ADAMTSL1: variants seen among roughly 807,000 people sequenced by gnomAD.
The protein encoded by ADAMTSL1 is ADAMTS-like protein 1.
ADAMTSL1 carries 126 observed loss-of-function variants against 201.8 expected under a neutral mutation model. The ratio of observed to expected loss-of-function variants is 0.62; its 90% CI spans 0.54 to 0.72. The LOEUF (loss-of-function observed/expected upper bound fraction) is 0.72. Among genes scored for constraint, ADAMTSL1 ranks in the 30% least tolerant of loss-of-function variants. ADAMTSL1 has a pLI of 0.00. For synonymous variants in ADAMTSL1, 1,121 were observed against 903.4 expected, an observed-to-expected ratio of 1.24 and a Z score of -4.32; for missense variants, 2,679 against 2,277.8, an observed-to-expected ratio of 1.18 and a Z score of -3.59.
At chr9:18,187,335 A>C (rs979044427) in intron 2 of ADAMTSL1, among the ~76,000 whole-genome samples, 4 of 152,106 alleles carry the variant, frequency 2.6e-5, no homozygotes, top group Non-Finnish European at 4.4e-5. Context: ...AGGTATTGTT[A>C]CTCTGAAAAA....
At chr9:18,284,251 A>G (rs944433277) in intron 2 of ADAMTSL1, among the ~76,000 whole-genome samples, 1 of 152,062 alleles carries the variant, frequency 6.6e-6, no homozygotes, top group African/African-American at 2.4e-5. Context: ...ATAAAAAAAG[A>G]ATTAAAAAAA....
intron 7 of ADAMTSL1, among the ~76,000 whole-genome samples, chr9:18,645,181 G>T (rs1827719633): frequency 6.6e-6 from 1 of 152,176 alleles, no homozygotes; most frequent in African/African-American, 2.4e-5. Context: ...CTGCAAAAAT[G>T]TCTTCTTTTG....
intron 2 of ADAMTSL1, among the ~76,000 whole-genome samples, chr9:18,188,548 A>G (rs754169114): frequency 3.9e-5 from 6 of 152,282 alleles, no homozygotes; most frequent in Middle Eastern, 3.4e-3. Context: ...AAATCACTGG[A>G]AGACAACTCT....
chr9:18,852,256 G>A (rs1300717663), intron 23 of ADAMTSL1, among the ~76,000 whole-genome samples: 1 of 152,168 alleles, frequency 6.6e-6, no homozygotes, highest in East Asian at 1.9e-4. Flanking sequence ...CTCTGCCTTT[G>A]ATTGTTAAAA....
chr9:18,705,005 T>G (rs1564165365), intron 13 of ADAMTSL1, among the ~76,000 whole-genome samples: 1 of 152,176 alleles, frequency 6.6e-6, no homozygotes, highest in South Asian at 2.1e-4. Context: ...GAGCACTGAG[T>G]GCTGCTTTGG....
At chr9:18,332,088 G>A (rs1435960534) in intron 2 of ADAMTSL1, among the ~76,000 whole-genome samples, 4 of 152,140 alleles carry the variant, frequency 2.6e-5, no homozygotes, top group South Asian at 2.1e-4. Context: ...TTTGGCAGCT[G>A]TAGTAAATTC....
chr9:18,453,916 C>T (rs1820508558), intron 2 of ADAMTSL1, among the ~76,000 whole-genome samples: 1 of 152,170 alleles, frequency 6.6e-6, no homozygotes, highest in Non-Finnish European at 1.5e-5. Context: ...TAAGGAAACT[C>T]ATTCTTATAA....
At chr9:18,287,241 C>T (rs569193982) in intron 2 of ADAMTSL1, among the ~76,000 whole-genome samples, 14 of 152,182 alleles carry the variant, frequency 9.2e-5, no homozygotes, top group Admixed American at 9.2e-4. Flanking sequence ...ACTGTTTTGG[C>T]TCTCATTCCA....
intron 2 of ADAMTSL1, among the ~76,000 whole-genome samples, chr9:18,292,337 G>A (rs567271682): frequency 6.6e-6 from 1 of 152,078 alleles, no homozygotes; most frequent in Non-Finnish European, 1.5e-5. Context: ...GAATGGGTAC[G>A]ATAGCAGTAT....
chr9:18,355,156 AC>A (rs1836163856), intron 2 of ADAMTSL1, among the ~76,000 whole-genome samples: 1 of 152,014 alleles, frequency 6.6e-6, no homozygotes, highest in African/African-American at 2.4e-5. Flanking sequence ...CTGCTGTTTC[AC>A]CTTTTTGATA....
intron 2 of ADAMTSL1, among the ~76,000 whole-genome samples, chr9:18,177,197 G>A (rs1212245206): frequency 6.6e-6 from 1 of 152,184 alleles, no homozygotes; most frequent in Non-Finnish European, 1.5e-5. Flanking sequence ...TCATCTTTAT[G>A]TATTACATAT....
At chr9:18,898,344 A>AAACAC (rs1829788474) in intron 26 of ADAMTSL1, among the ~76,000 whole-genome samples, 2 of 152,362 alleles carry the variant, frequency 1.3e-5, no homozygotes, top group African/African-American at 4.8e-5. Flanking sequence ...TGGAGCTGGA[A>AAACAC]AACACAACAC....
At chr9:18,807,348 A>C (rs1032367638) in intron 20 of ADAMTSL1, among the ~76,000 whole-genome samples, 1 of 152,346 alleles carries the variant, frequency 6.6e-6, no homozygotes, top group Admixed American at 6.5e-5. Context: ...CTGTTCACAA[A>C]GCATACATAG....
At chr9:18,770,521 C>A in intron 16 of ADAMTSL1, 81 bp from the exon 17 acceptor site, 1 of 1,378,286 alleles carries the variant, frequency 7.3e-7, no homozygotes, top group South Asian at 1.5e-5. Context: ...TTTACTCTGC[C>A]AAATTAAGAT....
intron 2 of ADAMTSL1, among the ~76,000 whole-genome samples, chr9:18,357,141 G>A (rs1367443069): frequency 1.3e-5 from 2 of 152,214 alleles, no homozygotes; most frequent in African/African-American, 4.8e-5. Context: ...CCTGAAATGT[G>A]TAAGTTAATG....
intron 1 of ADAMTSL1, among the ~76,000 whole-genome samples, chr9:18,493,616 G>A (rs1389222978): frequency 6.6e-6 from 1 of 152,134 alleles, no homozygotes; most frequent in South Asian, 2.1e-4. Context: ...ACACATTTTG[G>A]GTAAATTTAG....
chr9:18,464,649 T>A (rs1820932446), intron 2 of ADAMTSL1, among the ~76,000 whole-genome samples: 1 of 152,232 alleles, frequency 6.6e-6, no homozygotes, highest in Non-Finnish European at 1.5e-5. Context: ...TTCATCACCA[T>A]AAAATCAATC....
At chr9:18,520,293 C>G (rs544696334) in intron 2 of ADAMTSL1, among the ~76,000 whole-genome samples, 224 of 152,292 alleles carry the variant, frequency 1.5e-3, no homozygotes, top group African/African-American at 5.2e-3. Flanking sequence ...ACCGTTTACC[C>G]CAAACCTACA....
At chr9:18,853,278 A>AG (rs1253843491) in intron 23 of ADAMTSL1, among the ~76,000 whole-genome samples, 1 of 152,216 alleles carries the variant, frequency 6.6e-6, no homozygotes, top group Non-Finnish European at 1.5e-5. Context: ...TTATTAAGAC[A>AG]GGGGCATTGC....
Sources: gnomAD v4.1 joint callset for allele counts (sites outside exome capture counted in the v4.1 genomes callset) on GRCh38, gnomAD v4.1.1 for gene constraint, MANE v1.5 for transcripts, NCBI Gene and HGNC (gene_info 2026-07-23, HGNC 2026-07-21) for gene names.